The following DMD variants were observed in gnomAD, a reference collection of about 807,000 sequenced individuals.
DMD encodes the protein dystrophin.
A neutral mutation model predicts 330.1 loss-of-function variants in DMD; 63 were observed. That is an observed-to-expected ratio of 0.19 (90% CI 0.16 to 0.24). The LOEUF is 0.24. Ranked by LOEUF, DMD falls within the 10% of genes least tolerant of loss-of-function variation. The pLI, the probability that DMD is intolerant of heterozygous loss-of-function variation, is 1.00. For synonymous variants in DMD, 1,223 were observed against 959.8 expected (o/e 1.27, Z -5.07); for missense variants, 3,344 against 2,684.1 (o/e 1.25, Z -5.43).
At chrX:32,994,433 T>C (rs1447535462) in intron 2 of DMD, among the ~76,000 whole-genome samples, 1 of 111,718 alleles carries the variant, frequency 9.0e-6, no homozygotes, top group Non-Finnish European at 1.9e-5. Context: ...CTTGAACAAG[T>C]TATTTAACTA....
chrX:32,333,651 A>G (rs1354056986), intron 41 of DMD, among the ~76,000 whole-genome samples: 1 of 111,180 alleles, frequency 9.0e-6, no homozygotes, highest in African/African-American at 3.3e-5. Flanking sequence ...TTAAGTTTTG[A>G]AAATCCTAAG....
intron 17 of DMD, among the ~76,000 whole-genome samples, chrX:32,519,263 TAAAAA>T (rs201722710): frequency 4.8e-4 from 33 of 69,228 alleles, no homozygotes; most frequent in Non-Finnish European, 7.2e-4. Context: ...AAGTGGAATC[TAAAAA>T]AAAAAAAAAA....
intron 44 of DMD, among the ~76,000 whole-genome samples, chrX:32,167,682 T>C (rs2096873113): frequency 8.9e-6 from 1 of 112,414 alleles, no homozygotes; most frequent in Non-Finnish European, 1.9e-5. Context: ...ATTTAACAAG[T>C]ACATTGATTC....
At chrX:31,466,912 T>C (rs1381332296) in intron 59 of DMD, among the ~76,000 whole-genome samples, 1 of 111,692 alleles carries the variant, frequency 9.0e-6, no homozygotes, top group Non-Finnish European at 1.9e-5. Flanking sequence ...AGGTATTTTA[T>C]TCTCTTTGAA....
chrX:31,363,394 T>TA (rs2148597576), intron 60 of DMD, among the ~76,000 whole-genome samples: 1 of 93,075 alleles, frequency 1.1e-5, no homozygotes, highest in African/African-American at 4.0e-5. Context: ...TTTTTTTTTT[T>TA]TTTTTGAGAC....
At chrX:32,224,900 CTTA>C (rs1347064068) in intron 43 of DMD, among the ~76,000 whole-genome samples, 1 of 111,397 alleles carries the variant, frequency 9.0e-6, no homozygotes, top group Non-Finnish European at 1.9e-5. Context: ...CATTTTTTCC[CTTA>C]TTTCTCATAA....
At chrX:31,750,622 C>A (rs1209317449) in intron 51 of DMD, among the ~76,000 whole-genome samples, 1 of 110,589 alleles carries the variant, frequency 9.0e-6, no homozygotes, top group Non-Finnish European at 1.9e-5. Flanking sequence ...TCCTATTCAA[C>A]ATAGTGTTGG....
intron 49 of DMD, among the ~76,000 whole-genome samples, chrX:31,822,177 A>G (rs769384373): frequency 8.9e-6 from 1 of 111,877 alleles, no homozygotes; most frequent in South Asian, 3.7e-4. Flanking sequence ...ACCTCGGGGG[A>G]ACAGCTTAAC....
intron 52 of DMD, among the ~76,000 whole-genome samples, chrX:31,707,848 C>T (rs2084316339): frequency 9.1e-6 from 1 of 110,256 alleles, no homozygotes; most frequent in Admixed American, 9.7e-5. Flanking sequence ...CCGAATCTCC[C>T]TTTAATTCTA....
intron 45 of DMD, among the ~76,000 whole-genome samples, chrX:31,962,475 C>A (rs931718167): frequency 3.6e-5 from 4 of 111,726 alleles, no homozygotes; most frequent in Non-Finnish European, 5.6e-5. Flanking sequence ...TTATTAGATT[C>A]TGCATTTCTT....
chrX:31,822,848 C>T (rs1217035528), intron 49 of DMD, among the ~76,000 whole-genome samples: 1 of 109,773 alleles, frequency 9.1e-6, no homozygotes, highest in East Asian at 2.8e-4. Flanking sequence ...TTCATAGTAC[C>T]CCCTGATTTT....
chrX:32,958,141 A>T (rs1333673471), intron 2 of DMD, among the ~76,000 whole-genome samples: 2 of 111,698 alleles, frequency 1.8e-5, no homozygotes, highest in Non-Finnish European at 3.8e-5. Context: ...TGCAGTTAAA[A>T]TCAAATATGT....
intron 44 of DMD, among the ~76,000 whole-genome samples, chrX:32,195,928 A>ATAT (rs1413515008): frequency 8.9e-6 from 1 of 112,056 alleles, no homozygotes; most frequent in Non-Finnish European, 1.9e-5. Context: ...GACTAAGCAT[A>ATAT]TATAAGGCTG....
chrX:31,598,743 G>T (rs1422372935), intron 55 of DMD, among the ~76,000 whole-genome samples: 1 of 111,715 alleles, frequency 9.0e-6, no homozygotes, highest in Non-Finnish European at 1.9e-5. Flanking sequence ...GAGAAATGTA[G>T]TATCTGAAAT....
intron 7 of DMD, among the ~76,000 whole-genome samples, chrX:32,723,132 T>C (rs2066500369): frequency 9.0e-6 from 1 of 111,609 alleles, no homozygotes; most frequent in Non-Finnish European, 1.9e-5. Context: ...CGAAGAGTTA[T>C]AATAATAAAA....
At chrX:32,400,518 G>T (rs1199451287) in intron 30 of DMD, among the ~76,000 whole-genome samples, 2 of 111,299 alleles carry the variant, frequency 1.8e-5, no homozygotes, top group African/African-American at 3.3e-5. Context: ...GATTGGAATA[G>T]TTTCAGAAGG....
intron 1 of DMD, among the ~76,000 whole-genome samples, chrX:33,056,098 T>C (rs1165674983): frequency 9.1e-6 from 1 of 110,439 alleles, no homozygotes; most frequent in East Asian, 2.8e-4. Flanking sequence ...GAACCACAGC[T>C]TTAGCACATA....
chrX:33,006,830 C>A (rs761931575), intron 2 of DMD, among the ~76,000 whole-genome samples: 2 of 111,406 alleles, frequency 1.8e-5, no homozygotes, highest in African/African-American at 6.5e-5. Flanking sequence ...TTTACCTATA[C>A]TTTGCCACCA....
At chrX:32,196,872 G>A (rs1370832595) in intron 44 of DMD, among the ~76,000 whole-genome samples, 1 of 106,967 alleles carries the variant, frequency 9.3e-6, no homozygotes, top group Non-Finnish European at 1.9e-5. Flanking sequence ...TGTAGTACCA[G>A]CTACTCGGGA....
Sources: gnomAD v4.1 joint callset for allele counts (sites outside exome capture counted in the v4.1 genomes callset) on GRCh38, gnomAD v4.1.1 for gene constraint, MANE v1.5 for transcripts, NCBI Gene and HGNC (gene_info 2026-07-23, HGNC 2026-07-21) for gene names.